The following LRRC4C variants were observed in gnomAD, a reference collection of about 807,000 sequenced individuals.
LRRC4C encodes the protein leucine rich repeat containing 4C.
In LRRC4C, 5 loss-of-function variants were observed where a neutral mutation model predicts 33.6. That is an observed-to-expected ratio of 0.15 (90% CI 0.08 to 0.31). LRRC4C has a LOEUF of 0.31. LRRC4C is among the 10% of genes least tolerant of loss of function. The pLI is 1.00. For synonymous variants in LRRC4C, 329 were observed against 302.0 expected, an observed-to-expected ratio of 1.09 and a Z score of -0.93; for missense variants, 560 against 796.7, an observed-to-expected ratio of 0.70 and a Z score of 3.58.
chr11:40,644,377 CTAAT>C (rs1406090228), intron 3 of LRRC4C, among the ~76,000 whole-genome samples: 13 of 152,308 alleles, frequency 8.5e-5, no homozygotes, highest in African/African-American at 3.1e-4. Flanking sequence ...ATTTTAAAAA[CTAAT>C]TATGCAACTA....
intron 3 of LRRC4C, among the ~76,000 whole-genome samples, chr11:40,593,147 A>G (rs999801163): frequency 9.2e-5 from 14 of 151,884 alleles, no homozygotes; most frequent in African/African-American, 2.9e-4. Context: ...GAGAAACCAC[A>G]GAGAGAGATG....
At chr11:40,523,171 G>A (rs1050041342) in intron 3 of LRRC4C, among the ~76,000 whole-genome samples, 1 of 152,122 alleles carries the variant, frequency 6.6e-6, no homozygotes, top group Non-Finnish European at 1.5e-5. Context: ...CAAGGTAGAA[G>A]GTTTCAAATT....
chr11:40,606,971 CTT>C (rs1960676991), intron 3 of LRRC4C, among the ~76,000 whole-genome samples: 2 of 152,074 alleles, frequency 1.3e-5, no homozygotes, highest in Admixed American at 6.5e-5. Flanking sequence ...TGGAAATTGA[CTT>C]ATCAAATACA....
intron 1 of LRRC4C, among the ~76,000 whole-genome samples, chr11:41,093,568 C>T (rs1393899291): frequency 6.6e-6 from 1 of 151,910 alleles, no homozygotes; most frequent in Admixed American, 6.6e-5. Flanking sequence ...TTCTCTTTAT[C>T]CTCTCTTGAA....
intron 1 of LRRC4C, among the ~76,000 whole-genome samples, chr11:41,389,444 A>C (rs1355368624): frequency 1.3e-5 from 2 of 151,894 alleles, no homozygotes; most frequent in East Asian, 1.9e-4. Flanking sequence ...GTTTCAATTA[A>C]ATATAGGACA....
At chr11:40,817,608 T>C (rs1010832483) in intron 2 of LRRC4C, among the ~76,000 whole-genome samples, 1 of 152,122 alleles carries the variant, frequency 6.6e-6, no homozygotes, top group Non-Finnish European at 1.5e-5. Flanking sequence ...TTTTGCTTCT[T>C]CTCCTGCTCT....
intron 1 of LRRC4C, among the ~76,000 whole-genome samples, chr11:41,407,146 A>G (rs1211139224): frequency 1.3e-5 from 2 of 152,136 alleles, no homozygotes; most frequent in Admixed American, 6.6e-5. Context: ...TGGACCACGA[A>G]AAAACTGGAA....
intron 5 of LRRC4C, among the ~76,000 whole-genome samples, chr11:40,150,407 G>GA (rs1367681049): frequency 6.6e-6 from 1 of 152,204 alleles, no homozygotes; most frequent in Non-Finnish European, 1.5e-5. Context: ...TATATGCAAT[G>GA]AAAAACTCAT....
chr11:40,360,935 C>A (rs10837388), intron 3 of LRRC4C, among the ~76,000 whole-genome samples: 2 of 151,860 alleles, frequency 1.3e-5, no homozygotes, highest in African/African-American at 2.4e-5. Context: ...ATGCAAGTTT[C>A]GTTCAACATA....
intron 1 of LRRC4C, among the ~76,000 whole-genome samples, chr11:41,123,261 G>GTTTT (rs1217714729): frequency 5.6e-4 from 27 of 48,078 alleles, no homozygotes; most frequent in African/African-American, 1.0e-3. Context: ...GCTATGTTTT[G>GTTTT]TTTTTTTTTT....
chr11:40,875,518 G>A (rs972303794), intron 2 of LRRC4C, among the ~76,000 whole-genome samples: 1 of 152,114 alleles, frequency 6.6e-6, no homozygotes, highest in Non-Finnish European at 1.5e-5. Context: ...GTAGAATATG[G>A]ACTGCCTTTA....
intron 2 of LRRC4C, among the ~76,000 whole-genome samples, chr11:40,657,366 G>A (rs1429245369): frequency 6.6e-6 from 1 of 152,178 alleles, no homozygotes; most frequent in African/African-American, 2.4e-5. Context: ...TACACTGTAA[G>A]ATGCTTCAAA....
intron 4 of LRRC4C, among the ~76,000 whole-genome samples, chr11:40,309,598 A>G (rs771597309): frequency 4.0e-5 from 6 of 150,664 alleles, no homozygotes; most frequent in Non-Finnish European, 7.4e-5. Flanking sequence ...CTCCACCTCT[A>G]CGACTCAAGT....
intron 4 of LRRC4C, among the ~76,000 whole-genome samples, chr11:40,286,987 G>A (rs1434379985): frequency 6.6e-6 from 1 of 151,988 alleles, no homozygotes; most frequent in Admixed American, 6.6e-5. Context: ...AGTTTCCTAA[G>A]AACAATAATT....
chr11:41,208,301 G>A (rs1387310689), intron 1 of LRRC4C, among the ~76,000 whole-genome samples: 7 of 152,114 alleles, frequency 4.6e-5, no homozygotes, highest in Non-Finnish European at 7.3e-5. Flanking sequence ...TTGAAGTTAC[G>A]GCTTAGTTTT....
At position 40,534,317 on chromosome 11, in the gene LRRC4C, C is replaced by T. The variant is rs539815021; in HGVS notation, c.-270+113825G>A. ...CCATGTTTGCCTCCAGTTTATTAAT[C>T]TTATGGCATATATATATGTGTATAT... On this transcript the variant is annotated intron_variant, in intron 3 of 6. Coordinates refer to ENST00000528697, the MANE Select transcript of LRRC4C (RefSeq NM_001258419.2). Among the ~76,000 whole-genome samples the T allele has an allele frequency of 1.1e-4, 16 of 152,164 alleles. No homozygotes were observed. The South Asian group carries it at 3.3e-3, about 32-fold the overall frequency.
At chr11:41,267,936 G>T (rs1217230471) in intron 1 of LRRC4C, among the ~76,000 whole-genome samples, 2 of 152,038 alleles carry the variant, frequency 1.3e-5, no homozygotes, top group African/African-American at 4.8e-5. Flanking sequence ...GCCACAGGTT[G>T]TTTTCTTAAA....
At chr11:40,786,734 C>T (rs929454512) in intron 2 of LRRC4C, among the ~76,000 whole-genome samples, 8 of 151,998 alleles carry the variant, frequency 5.3e-5, no homozygotes, top group African/African-American at 1.7e-4. Context: ...TTCCTCTACC[C>T]TATAATCTTC....
rs149051046 is a variant in LRRC4C, at chr11:40,848,071, G to GTCTA, written c.-407+85560_-407+85563dup. Among the ~76,000 whole-genome samples the GTCTA allele has an allele frequency of 5.3e-5, 8 of 150,352 alleles. No homozygotes were observed. In the East Asian group the frequency reaches 1.6e-3, roughly 30 times the overall value. On this transcript the variant is annotated intron_variant, in intron 2 of 6. Coordinates refer to ENST00000528697, the MANE Select transcript of LRRC4C (RefSeq NM_001258419.2). ...TTCTTCGTTATTATTCTGGCTAGTGGTCTATCTATCTATCTTTTTTTTTAA... is the reference window on the plus strand; with the variant it reads ...TTCTTCGTTATTATTCTGGCTAGTGGTCTATCTATCTATCTATCTTTTTTTTTAA...
Sources: allele counts gnomAD v4.1 joint callset (sites outside exome capture counted in the v4.1 genomes callset), GRCh38; gene constraint gnomAD v4.1.1; transcripts MANE v1.5; gene names NCBI Gene and HGNC (gene_info 2026-07-23, HGNC 2026-07-21).